The following PRRC2A variants were observed in gnomAD, a reference collection of about 807,000 sequenced individuals.
The protein encoded by PRRC2A is protein PRRC2A.
PRRC2A carries 59 observed loss-of-function variants against 224.6 expected under a neutral mutation model. That is an observed-to-expected ratio of 0.26 (90% CI 0.21 to 0.33). The LOEUF (loss-of-function observed/expected upper bound fraction) is 0.33. Ranked by LOEUF, PRRC2A falls within the 10% of genes least tolerant of loss-of-function variation. The pLI, the probability that PRRC2A is intolerant of heterozygous loss-of-function variation, is 1.00. For missense variants in PRRC2A, 3,095 were observed against 2,880.7 expected, an observed-to-expected ratio of 1.07 and a Z score of -1.70; for synonymous variants, 1,194 against 1,109.5, an observed-to-expected ratio of 1.08 and a Z score of -1.51.
At chr6:31,633,173 G>A (rs1319195736) in intron 16 of PRRC2A, among the ~76,000 whole-genome samples, 181 bp downstream of exon 16, 2 of 152,158 alleles carry the variant, frequency 1.3e-5, no homozygotes, top group East Asian at 3.9e-4. Context: ...GGGTGTTAGA[G>A]TCAAGAACAC....
intron 2 of PRRC2A, chr6:31,623,127 A>T (rs1257283355): frequency 2.6e-6 from 2 of 755,576 alleles, no homozygotes; most frequent in Admixed American, 3.4e-5. Flanking sequence ...GACACGTAAG[A>T]ATTGGAGGAA....
intron 3 of PRRC2A, 80 bp downstream of exon 3, chr6:31,623,989 A>G (rs1056594894): frequency 3.1e-5 from 47 of 1,516,608 alleles, no homozygotes; most frequent in Non-Finnish European, 4.0e-5. Context: ...GGTTTAGTCC[A>G]GCCACGTCTG....
In PRRC2A at chr6:31,620,756, A is replaced by G. The variant is rs1283941555; in HGVS notation, c.-203A>G. Reference sequence around the variant, plus strand: ...CGGAGTGAGCGAGGGAGACGGGAGGAGCCGAACCCGGCGCCATCCGCCGCC... The same window carrying G: ...CGGAGTGAGCGAGGGAGACGGGAGGGGCCGAACCCGGCGCCATCCGCCGCC... On this transcript the variant is annotated 5_prime_UTR_variant, in exon 1 of 31. Coordinates refer to ENST00000376033, the MANE Select transcript of PRRC2A (RefSeq NM_004638.4). 3 of 151,604 alleles carry G rather than the reference A, an allele frequency of 2.0e-5. No homozygotes were observed. The highest frequency in any genetic ancestry group is 4.4e-5 in the Non-Finnish European group (3 of 67,944). The allele number at this position is 151,604 out of a possible 1,614,324, so 9.4% of individuals were successfully genotyped here.
chr6:31,630,596 G>A lies in PRRC2A; in HGVS notation c.2260G>A (p.Val754Ile). 1 of 1,614,182 alleles carries A rather than the reference G, an allele frequency of 6.2e-7. No individual in the cohort carries two copies. Among genetic ancestry groups the A allele is most frequent in the Non-Finnish European group, 8.5e-7 (1 of 1,180,028 alleles). The change falls in exon 15 of 31, where the codon GTT becomes ATT. Residue 754 changes from valine to isoleucine, a missense_variant. Physicochemically the swap from Val to Ile is conservative, Grantham distance 29. Transcript: ENST00000376033. Reference protein sequence around the residue: ...YPPGVHPSGLVPRERSDSGGS... With the variant: ...YPPGVHPSGLIPRERSDSGGS... Reference sequence around the variant, plus strand: ...TTTTTCTTTGGTTTCTTCAGGCCTAGTTCCCCGAGAGCGTTCAGACAGTGG... The same window carrying A: ...TTTTTCTTTGGTTTCTTCAGGCCTAATTCCCCGAGAGCGTTCAGACAGTGG...
At position 31,622,660 on chromosome 6, in the gene PRRC2A, G is replaced by A. The variant is rs1323864673; in HGVS notation, c.-100-30G>A. 7 of 675,018 alleles carry A rather than the reference G, an allele frequency of 1.0e-5. No individual in the cohort carries two copies. In the Admixed American group the frequency reaches 1.3e-4, roughly 12 times the overall value. 41.8% of individuals were successfully genotyped at this position (675,018 alleles called of 1,614,324 possible). On this transcript the variant is annotated intron_variant, in intron 1 of 30. Transcript: ENST00000376033. ...GAGTCCCTAATGATAATGCAATGGA[G>A]TTTTTAAGTTTCTGTTATGGTCTGT...
rs761009382 is a variant in PRRC2A, at chr6:31,624,470, C to T, written c.411C>T (p.Ser137=). Residue 137 remains serine (S), a synonymous_variant, in exon 5 of 31, where the codon AGC becomes AGT. Coordinates refer to ENST00000376033, the MANE Select transcript of PRRC2A (RefSeq NM_004638.4). ...AAPENTPLVP[S]GVKSWAQASV... is the part of the protein sequence containing the mutation. ...CCCAGAACACTCCTTTGGTTCCAAG[C>T]GGGGTAAAGTCCTGGGCACAAGCCA... The T allele has an allele frequency of 1.9e-6, 3 of 1,613,614 alleles. No homozygotes were observed. The South Asian group carries it at 3.3e-5, about 18-fold the overall frequency.
chr6:31,635,054 C>T, intron 21 of PRRC2A, 77 bp downstream of exon 21: 1 of 1,599,246 alleles, frequency 6.3e-7, no homozygotes, highest in South Asian at 1.1e-5. Flanking sequence ...CTTTTTCTCT[C>T]TGCGTGTGTG....
chr6:31,629,730 C>T lies in PRRC2A; in HGVS notation c.2139C>T (p.Pro713=), dbSNP rs777351965. The T allele has an allele frequency of 6.2e-7, 1 of 1,609,230 alleles. No homozygotes were observed. The highest frequency in any genetic ancestry group is 8.5e-7 in the Non-Finnish European group (1 of 1,177,016). The stretch of plus-strand genomic sequence containing the variant: ...CAGGTGCTCTGGGCCGGCCCCCACC[C>T]ATGCCCCCAATGAACTTTGATCCCC... ...LYPGALGRPP[P]MPPMNFDPRW... The change falls in exon 14 of 31, where the codon CCC becomes CCT. Residue 713 remains proline, a synonymous_variant. Transcript: ENST00000376033.
Position 31,632,294 on chromosome 6 carries a change from G to T in PRRC2A, c.3621G>T (p.Glu1207Asp), listed in dbSNP as rs1237838654. ...CAGGCCCTTTGCCACCAAGTAAGGA[G>T]CCTTTGAAAGAGAAGTTGATCCCAG... ...PPTGPLPPSK[E>D]PLKEKLIPGP... Residue 1207 changes from glutamate to aspartate, a missense_variant, in exon 16 of 31, where the codon GAG (glutamate) becomes GAT (aspartate). Transcript: ENST00000376033. 4 of 1,613,264 alleles carry T rather than the reference G, an allele frequency of 2.5e-6. No individual in the cohort carries two copies. Among genetic ancestry groups the T allele is most frequent in the African/African-American group, 2.7e-5 (2 of 75,054 alleles).
Position 31,623,839 on chromosome 6 carries a change from C to T in PRRC2A, c.220C>T (p.Pro74Ser), listed in dbSNP as rs1453393854. Reference sequence around the variant, plus strand: ...GAAAGCCGAGAACAAAGGCAATGACCCCAATGTCTCACTAGTGCCAAAAGA... The same window carrying T: ...GAAAGCCGAGAACAAAGGCAATGACTCCAATGTCTCACTAGTGCCAAAAGA... ...SLKAENKGND[P>S]NVSLVPKDGT... Residue 74 changes from proline (P) to serine (S), a missense_variant, in exon 3 of 31, where the codon CCC becomes TCC. Pro to Ser is a moderately conservative substitution (Grantham distance 74). Around this residue, in one of 8 missense-constraint regions of PRRC2A, gnomAD observed 52 missense variants for 77.9 expected, o/e 0.67. Coordinates refer to ENST00000376033, the MANE Select transcript of PRRC2A (RefSeq NM_004638.4). 1.2e-6 allele frequency: 2 copies of T among 1,614,080 alleles called. No homozygotes were observed. Among genetic ancestry groups the T allele is most frequent in the Non-Finnish European group, 1.7e-6 (2 of 1,180,046 alleles).
chr6:31,630,793 G>C lies in PRRC2A; in HGVS notation c.2457G>C (p.Lys819Asn). ...GCCAGGCTGCGGATGAGGATGACAA[G>C]GGGATGAGGTGAGTCTTGGTCATGA... The part of the protein sequence containing the change: ...PLRQAADEDD[K>N]GMRSETPPVP... Residue 819 changes from lysine (K) to asparagine (N), a missense_variant, in exon 15 of 31, where the codon AAG becomes AAC. Coordinates refer to ENST00000376033, the MANE Select transcript of PRRC2A (RefSeq NM_004638.4). 1 of 1,614,070 alleles carries C rather than the reference G, an allele frequency of 6.2e-7. No individual in the cohort carries two copies. Among genetic ancestry groups the C allele is most frequent in the Non-Finnish European group, 8.5e-7 (1 of 1,180,000 alleles).
Position 31,623,797 on chromosome 6 carries a change from G to C in PRRC2A, c.178G>C (p.Ala60Pro). 1 of 1,614,176 alleles carries C rather than the reference G, an allele frequency of 6.2e-7. No homozygotes were observed. The highest frequency in any genetic ancestry group is 8.5e-7 in the Non-Finnish European group (1 of 1,180,034). Residue 60 changes from alanine (A) to proline (P), a missense_variant, in exon 3 of 31, where the codon GCC becomes CCC. Ala to Pro is a conservative substitution (Grantham distance 27). Transcript: ENST00000376033. ...VAIARRMPPP[A>P]NLPSLKAENK... ...CATTGCCCGGCGTATGCCACCTCCA[G>C]CCAACCTTCCAAGCCTGAAAGCCGA...
rs747212439 is a variant in PRRC2A, at chr6:31,634,276, C to G, written c.4760C>G (p.Ser1587Cys). The change falls in exon 19 of 31, where the codon TCT (serine) becomes TGT (cysteine). Residue 1587 changes from serine (S) to cysteine (C), a missense_variant. Transcript: ENST00000376033. ...PPPHSSGFLG[S>C]KPEGPGPQAE... ...CCTCATAGCTCTGGATTCTTGGGCT[C>G]TAAGCCTGAGGGCCCAGGCCCTCAG... 6.2e-7 allele frequency: 1 copy of G among 1,602,322 alleles called. No homozygotes were observed. Among genetic ancestry groups the G allele is most frequent in the East Asian group, 2.2e-5 (1 of 44,818 alleles).
chr6:31,634,720 TG>T, intron 20 of PRRC2A, 32 bp from the exon 21 acceptor site: 1 of 1,604,254 alleles, frequency 6.2e-7, no homozygotes, highest in Non-Finnish European at 8.5e-7. Context: ...CTTTCTACCC[TG>T]ACTTAACTAG....
chr6:31,633,961 C>T lies in PRRC2A; in HGVS notation c.4691C>T (p.Pro1564Leu), dbSNP rs1231347858. ...TTTCCCCCTAAACGTCGGGAGCGGC[C>T]TCCCAGAAAACCAGAGCTGCTACAG... Reference protein sequence around the residue: ...SPFPPKRRERPPRKPELLQEE... With the variant: ...SPFPPKRRERLPRKPELLQEE... Residue 1564 changes from proline (P) to leucine (L), a missense_variant, in exon 18 of 31, where the codon CCT becomes CTT. Physicochemically the swap from Pro to Leu is moderately conservative, Grantham distance 98. Transcript: ENST00000376033. 2 of 1,603,746 alleles carry T rather than the reference C, an allele frequency of 1.2e-6. No individual in the cohort carries two copies.
rs567331326 is a variant in PRRC2A at position 31,633,561 on chromosome 6, C to T, written c.4502C>T (p.Pro1501Leu). The T allele has an allele frequency of 6.2e-7, 1 of 1,612,944 alleles. No individual in the cohort carries two copies. Among genetic ancestry groups the T allele is most frequent in the Non-Finnish European group, 8.5e-7 (1 of 1,179,980 alleles). ...TAPGGHPRHKPGLPQAPQGPS... is the reference protein window; with the variant it reads ...TAPGGHPRHKLGLPQAPQGPS... ...CCAGGGGGTCATCCAAGGCACAAGC[C>T]TGGGCTTCCCCAAGCCCCTCAGGGC... The change falls in exon 17 of 31, where the codon CCT (proline) becomes CTT (leucine). Residue 1501 changes from proline to leucine, a missense_variant. By Grantham distance (98) the Pro-to-Leu change is moderately conservative (BLOSUM62 -3). Around this residue, in one of 8 missense-constraint regions of PRRC2A, gnomAD observed 2,001 missense variants for 1,764.9 expected, o/e 1.13. Coordinates refer to ENST00000376033, the MANE Select transcript of PRRC2A (RefSeq NM_004638.4).
chr6:31,625,809 C>A lies in PRRC2A; in HGVS notation c.777C>A (p.Leu259=). Reference sequence around the variant, plus strand: ...TTTTACAGATGTATCCCCCATATCTCCCGTTCCCTCCGCCCTATGGACCCC... The same window carrying A: ...TTTTACAGATGTATCCCCCATATCTACCGTTCCCTCCGCCCTATGGACCCC... ...MMPPFMYPPY[L]PFPPPYGPQG... is the part of the protein sequence containing the mutation. Residue 259 remains leucine (L), a synonymous_variant, in exon 8 of 31, where the codon CTC becomes CTA. Coordinates refer to ENST00000376033, the MANE Select transcript of PRRC2A (RefSeq NM_004638.4). This position sits in a 1 kb window ranked among gnomAD's most constrained non-coding sequence, Gnocchi z 4.1. 6.3e-7 allele frequency: 1 copy of A among 1,582,892 alleles called. No individual in the cohort carries two copies. Among genetic ancestry groups the A allele is most frequent in the Non-Finnish European group, 8.7e-7 (1 of 1,152,398 alleles).
rs368011149 is a variant in PRRC2A, at chr6:31,633,740, T to C, written c.4588+93T>C. On this transcript the variant is annotated intron_variant, in intron 17 of 30. Transcript: ENST00000376033. Reference sequence around the variant, plus strand: ...GGTGGAGAACCTGGCCTAGGGACCCTGCTGCTGGGTGCGTTTCTGCAGGGA... The same window carrying C: ...GGTGGAGAACCTGGCCTAGGGACCCCGCTGCTGGGTGCGTTTCTGCAGGGA... The C allele has an allele frequency of 9.0e-5, 137 of 1,527,888 alleles. 3 individuals are homozygous for C. The Middle Eastern group carries it at 3.7e-3, about 41-fold the overall frequency. 94.6% of individuals were successfully genotyped at this position (1,527,888 alleles called of 1,614,324 possible).
intron 14 of PRRC2A, 77 bp downstream of exon 14, chr6:31,629,922 A>T: frequency 6.3e-7 from 1 of 1,575,056 alleles, no homozygotes; most frequent in South Asian, 1.2e-5. Context: ...TCTTACTGTG[A>T]CTCTGGTACG....
Sources: gnomAD v4.1 joint callset for allele counts (sites outside exome capture counted in the v4.1 genomes callset) on GRCh38, gnomAD v4.1.1 for gene constraint, gnomAD v4.1.1 regional missense constraint, Gnocchi (gnomAD v3.1) non-coding constraint, MANE v1.5 for transcripts, NCBI Gene and HGNC (gene_info 2026-07-23, HGNC 2026-07-21) for gene names.